The following OGDH variants were observed in gnomAD, a reference collection of about 807,000 sequenced individuals.
OGDH encodes the protein oxoglutarate dehydrogenase.
In OGDH, 38 loss-of-function variants were observed where a neutral mutation model predicts 116.6. The ratio of observed to expected loss-of-function variants is 0.33; its 90% CI spans 0.25 to 0.43. The LOEUF (loss-of-function observed/expected upper bound fraction) is 0.43. Among genes scored for constraint, OGDH ranks in the 20% least tolerant of loss-of-function variants. OGDH has a pLI of 1.00. For synonymous variants in OGDH, 488 were observed against 533.3 expected (o/e 0.92, Z 1.17); for missense variants, 825 against 1,357.2 (o/e 0.61, Z 6.16).
chr7:44,703,837 A>T (rs1444886535), intron 20 of OGDH, among the ~76,000 whole-genome samples: 1 of 152,022 alleles, frequency 6.6e-6, no homozygotes, highest in Non-Finnish European at 1.5e-5. Context: ...GTGAGCCAAG[A>T]TCACGCCGTT....
At chr7:44,677,946 A>T (rs1391351254) in intron 9 of OGDH, among the ~76,000 whole-genome samples, 2 of 152,102 alleles carry the variant, frequency 1.3e-5, no homozygotes, top group Non-Finnish European at 2.9e-5. Flanking sequence ...AAATACTGTA[A>T]ATCTACTACT....
chr7:44,690,087 A>G (rs369285186), intron 10 of OGDH, among the ~76,000 whole-genome samples: 25 of 152,220 alleles, frequency 1.6e-4, no homozygotes, highest in African/African-American at 5.5e-4. Flanking sequence ...CTTGGATACT[A>G]TTTTCAAATA....
chr7:44,636,403 C>G (rs750990390), intron 2 of OGDH, among the ~76,000 whole-genome samples: 15 of 152,232 alleles, frequency 9.9e-5, no homozygotes, highest in Non-Finnish European at 1.6e-4. Context: ...CTGCCTGTAG[C>G]TGCCGATATG....
intron 10 of OGDH, among the ~76,000 whole-genome samples, chr7:44,691,989 A>T (rs1019810706): frequency 1.2e-3 from 160 of 132,292 alleles, no homozygotes; most frequent in African/African-American, 3.4e-3. Context: ...CTTAAAAAAA[A>T]AAAAAAAAAA....
intron 10 of OGDH, among the ~76,000 whole-genome samples, chr7:44,692,583 T>C (rs1788409375): frequency 6.6e-6 from 1 of 152,210 alleles, no homozygotes; most frequent in African/African-American, 2.4e-5. Flanking sequence ...GATTTGTTCA[T>C]GTTAGGTGAA....
chr7:44,614,388 T>G (rs1437250045), intron 1 of OGDH, among the ~76,000 whole-genome samples: 1 of 152,080 alleles, frequency 6.6e-6, no homozygotes, highest in Non-Finnish European at 1.5e-5. Context: ...GGGTTTATTC[T>G]TCACGGGGTT....
At position 44,673,781 on chromosome 7, in the gene OGDH, G is replaced by A; in HGVS notation, c.634-6G>A. On this transcript the variant is annotated splice_region_variant and splice_polypyrimidine_tract_variant and intron_variant, in intron 5 of 22. Transcript: ENST00000222673. ...CCCCTTGACTGTGTGTTTCTGTATGGAATAGATGGCCTACTGCCAGCATAT... is the reference window on the plus strand; with the variant it reads ...CCCCTTGACTGTGTGTTTCTGTATGAAATAGATGGCCTACTGCCAGCATAT... 6.2e-7 allele frequency: 1 copy of A among 1,614,136 alleles called. No individual in the cohort carries two copies. Among genetic ancestry groups the A allele is most frequent in the Non-Finnish European group, 8.5e-7 (1 of 1,179,972 alleles).
intron 10 of OGDH, among the ~76,000 whole-genome samples, chr7:44,692,225 T>C (rs1034218507): frequency 3.3e-5 from 5 of 152,106 alleles, no homozygotes; most frequent in African/African-American, 4.8e-5. Flanking sequence ...TACAGCAACA[T>C]TGTGTTTACC....
At chr7:44,669,573 T>C (rs1787342577) in intron 5 of OGDH, among the ~76,000 whole-genome samples, 1 of 152,096 alleles carries the variant, frequency 6.6e-6, no homozygotes, top group Non-Finnish European at 1.5e-5. Flanking sequence ...CCAGAGAGCA[T>C]AGGCATTGAT....
rs1423445198 is a variant in OGDH at position 44,697,911 on chromosome 7, A to G, written c.2358+129A>G. ...CCTAAGGACTCTGCTGGTGCTTCCC[A>G]TCCATCTCAGATGGGATGTCACTTC... On this transcript the variant is annotated intron_variant, in intron 17 of 22. Coordinates refer to ENST00000222673, the MANE Select transcript of OGDH (RefSeq NM_002541.4). This position sits in a 1 kb window ranked among gnomAD's most constrained non-coding sequence, Gnocchi z 6.0. 1 of 1,156,250 alleles carries G rather than the reference A, an allele frequency of 8.6e-7. No individual in the cohort carries two copies. The highest frequency in any genetic ancestry group is 1.6e-5 in the African/African-American group (1 of 64,262). The allele number at this position is 1,156,250 out of a possible 1,614,324, so 71.6% of individuals were successfully genotyped here. A position where few individuals can be genotyped will look rare whatever the true frequency, so the allele number is the denominator to read the frequency against.
intron 4 of OGDH, among the ~76,000 whole-genome samples, chr7:44,665,327 TAAAAC>T (rs1173327674): frequency 3.5e-5 from 5 of 141,506 alleles, no homozygotes; most frequent in Non-Finnish European, 7.7e-5. Context: ...TTTGTTTTAA[TAAAAC>T]AAACAGGGCT....
At chr7:44,659,673 G>A (rs1403764666) in intron 4 of OGDH, among the ~76,000 whole-genome samples, 2 of 152,108 alleles carry the variant, frequency 1.3e-5, no homozygotes, top group African/African-American at 4.8e-5. Context: ...TGTGTGTAGT[G>A]TTATTTATAG....
intron 2 of OGDH, among the ~76,000 whole-genome samples, chr7:44,635,641 A>G (rs1785633605): frequency 6.6e-6 from 1 of 152,128 alleles, no homozygotes; most frequent in African/African-American, 2.4e-5. Flanking sequence ...GCTAAGTTGT[A>G]ACACTCTCCT....
rs145797997 is a variant in OGDH at position 44,700,176 on chromosome 7, A to G, written c.2466A>G (p.Leu822=). 52 of 1,614,242 alleles carry G rather than the reference A, an allele frequency of 3.2e-5. No individual in the cohort carries two copies. In the African/African-American group the frequency reaches 6.3e-4, roughly 19 times the overall value. ...LKEANFDINQ[L]YDCNWVVVNC... is the part of the protein sequence containing the mutation. ...AAGCCAACTTCGACATCAATCAGCT[A>G]TATGACTGCAATTGGGTTGTTGTCA... The change falls in exon 19 of 23, where the codon CTA becomes CTG. Residue 822 remains leucine (L), a synonymous_variant. Coordinates refer to ENST00000222673, the MANE Select transcript of OGDH (RefSeq NM_002541.4).
At chr7:44,610,832 C>T (rs556376374) in intron 1 of OGDH, among the ~76,000 whole-genome samples, 17 of 151,078 alleles carry the variant, frequency 1.1e-4, no homozygotes, top group Admixed American at 5.3e-4. Flanking sequence ...TGGTCTGGAT[C>T]TCCTGACCTC....
chr7:44,634,440 C>T (rs1785578644), intron 2 of OGDH, among the ~76,000 whole-genome samples: 1 of 152,178 alleles, frequency 6.6e-6, no homozygotes, highest in Non-Finnish European at 1.5e-5. Flanking sequence ...TGCAGAATCC[C>T]AGCAAATATC....
At chr7:44,614,287 G>C (rs1209813184) in intron 1 of OGDH, among the ~76,000 whole-genome samples, 2 of 148,720 alleles carry the variant, frequency 1.3e-5, no homozygotes, top group East Asian at 3.9e-4. Context: ...CTGCCTTCAA[G>C]GTTTTGGTTT....
chr7:44,637,784 A>C (rs1585261103), intron 2 of OGDH, among the ~76,000 whole-genome samples: 1 of 151,162 alleles, frequency 6.6e-6, no homozygotes, highest in East Asian at 1.9e-4. Flanking sequence ...ACGCCACTGC[A>C]CTCCAGCCCG....
chr7:44,632,347 C>T (rs1785477310), intron 2 of OGDH, among the ~76,000 whole-genome samples: 1 of 152,150 alleles, frequency 6.6e-6, no homozygotes, highest in African/African-American at 2.4e-5. Context: ...TACTGGAGTG[C>T]AGTGGCACCA....
Sources: allele counts gnomAD v4.1 joint callset (sites outside exome capture counted in the v4.1 genomes callset), GRCh38; gene constraint gnomAD v4.1.1; non-coding constraint Gnocchi (gnomAD v3.1); transcripts MANE v1.5; gene names NCBI Gene and HGNC (gene_info 2026-07-23, HGNC 2026-07-21).